The following CADPS variants were observed in gnomAD, a reference collection of about 807,000 sequenced individuals.
CADPS encodes the protein calcium dependent secretion activator.
CADPS carries 57 observed loss-of-function variants against 167.3 expected under a neutral mutation model. The observed-to-expected ratio is 0.34, with a 90% CI of 0.28 to 0.42. The LOEUF (loss-of-function observed/expected upper bound fraction) is 0.42, where lower values mean the gene tolerates loss of function less well. Among genes scored for constraint, CADPS ranks in the 20% least tolerant of loss-of-function variants. The probability of loss-of-function intolerance (pLI) is 1.00; values close to 1 mark genes in which losing one functional copy is unlikely to be tolerated. For synonymous variants in CADPS, 676 were observed against 635.3 expected (o/e 1.06, Z -0.96); for missense variants, 1,414 against 1,738.1 (o/e 0.81, Z 3.32).
At chr3:62,872,823 C>A (rs561963291) in intron 1 of CADPS, among the ~76,000 whole-genome samples, 1 of 152,136 alleles carries the variant, frequency 6.6e-6, no homozygotes, top group African/African-American at 2.4e-5. Flanking sequence ...CCACCCCTTT[C>A]GACCTAACAC....
intron 28 of CADPS, among the ~76,000 whole-genome samples, chr3:62,415,115 CCT>C (rs1259921614): frequency 1.3e-5 from 2 of 150,424 alleles, no homozygotes; most frequent in African/African-American, 4.9e-5. Context: ...TACTTCTTTC[CCT>C]CTTTCTCTAC....
chr3:62,470,420 A>C (rs567218353), intron 24 of CADPS, among the ~76,000 whole-genome samples: 1 of 152,246 alleles, frequency 6.6e-6, no homozygotes, highest in African/African-American at 2.4e-5. Context: ...GGATGTTTCC[A>C]GATATTCTTG....
chr3:62,709,895 G>T (rs749390581), intron 3 of CADPS, among the ~76,000 whole-genome samples: 6 of 151,600 alleles, frequency 4.0e-5, no homozygotes, highest in African/African-American at 1.5e-4. Flanking sequence ...TCAGCCTCCC[G>T]AGTGGCTGGG....
At chr3:62,400,874 G>A (rs1235186094) in intron 29 of CADPS, among the ~76,000 whole-genome samples, 4 of 152,018 alleles carry the variant, frequency 2.6e-5, no homozygotes, top group East Asian at 3.9e-4. Context: ...CTGAGATTAC[G>A]GGCGTGAGCC....
intron 28 of CADPS, among the ~76,000 whole-genome samples, chr3:62,410,636 T>C (rs527534758): frequency 1.7e-3 from 256 of 152,334 alleles, no homozygotes; most frequent in African/African-American, 6.0e-3. Context: ...GTGGAGATAA[T>C]AATAAAACCT....
rs541872549 is a variant in CADPS, at chr3:62,676,375, A to C, written c.889-13981T>G. Among the ~76,000 whole-genome samples the C allele has an allele frequency of 5.9e-5, 9 of 152,272 alleles. No homozygotes were observed. In the East Asian group the frequency reaches 1.7e-3, roughly 29 times the overall value. On this transcript the variant is annotated intron_variant, in intron 3 of 29. Coordinates refer to ENST00000383710, the MANE Select transcript of CADPS (RefSeq NM_003716.4). ...TCCTCCATGTAACAGGGAACTGTCAATATCCTAACATGGTCTATGCGATTT... is the reference window on the plus strand; with the variant it reads ...TCCTCCATGTAACAGGGAACTGTCACTATCCTAACATGGTCTATGCGATTT...
chr3:62,713,344 G>A (rs1244505869), intron 3 of CADPS, among the ~76,000 whole-genome samples: 2 of 152,126 alleles, frequency 1.3e-5, no homozygotes, highest in Non-Finnish European at 2.9e-5. Flanking sequence ...AGACCAGATT[G>A]AAGACTGGCT....
At chr3:62,482,507 T>A (rs2062160329) in intron 21 of CADPS, among the ~76,000 whole-genome samples, 1 of 152,236 alleles carries the variant, frequency 6.6e-6, no homozygotes, top group Admixed American at 6.5e-5. Context: ...CAGATTTGAA[T>A]AATTTTATAG....
chr3:62,835,851 A>G (rs1250171709), intron 1 of CADPS, among the ~76,000 whole-genome samples: 1 of 152,240 alleles, frequency 6.6e-6, no homozygotes, highest in East Asian at 1.9e-4. Context: ...AACTGTTTAC[A>G]TTAAATTATT....
At chr3:62,831,219 T>C (rs751842925) in intron 1 of CADPS, among the ~76,000 whole-genome samples, 2 of 152,186 alleles carry the variant, frequency 1.3e-5, no homozygotes, top group Non-Finnish European at 2.9e-5. Flanking sequence ...ACTTTACATA[T>C]ACTTAATCTC....
chr3:62,719,401 T>G (rs2075310071), intron 3 of CADPS, among the ~76,000 whole-genome samples: 1 of 152,212 alleles, frequency 6.6e-6, no homozygotes, highest in Non-Finnish European at 1.5e-5. Flanking sequence ...TAGGAGAAAG[T>G]ACCCCTGACC....
chr3:62,428,348 A>G (rs2053209313), intron 28 of CADPS, among the ~76,000 whole-genome samples: 1 of 127,058 alleles, frequency 7.9e-6, no homozygotes, highest in Non-Finnish European at 1.5e-5. Context: ...GTCCGGGTGG[A>G]ACTATAAAAA....
chr3:62,408,587 G>C (rs1190275070), intron 28 of CADPS, among the ~76,000 whole-genome samples: 2 of 152,146 alleles, frequency 1.3e-5, no homozygotes, highest in Non-Finnish European at 2.9e-5. Context: ...TATCTAATCA[G>C]CTATATAGAG....
At chr3:62,530,650 T>G in intron 13 of CADPS, 1 of 1,286,062 alleles carries the variant, frequency 7.8e-7, no homozygotes, top group South Asian at 1.2e-5. Flanking sequence ...ACATAACTTC[T>G]TACCTTTTCA....
At position 62,465,256 on chromosome 3, in the gene CADPS, T is replaced by A. The variant is rs116208192; in HGVS notation, c.3636+111A>T. On this transcript the variant is annotated intron_variant, in intron 26 of 29. Transcript: ENST00000383710. The surrounding 1 kb of genome is among the most constrained non-coding windows in gnomAD (Gnocchi z 4.1). The stretch of plus-strand genomic sequence containing the variant: ...GTTAATATTATACAATAGTTGACTA[T>A]AATTAACACACACACCCATCCCAAA... 0.033 allele frequency: 22,806 copies of A among 689,772 alleles called. 567 individuals are homozygous for A. The highest frequency in any genetic ancestry group is 0.099 in the Middle Eastern group (397 of 3,990). The allele number at this position is 689,772 out of a possible 1,614,324, so 42.7% of individuals were successfully genotyped here. A position where few individuals can be genotyped will look rare whatever the true frequency, so the allele number is the denominator to read the frequency against.
intron 26 of CADPS, among the ~76,000 whole-genome samples, chr3:62,447,444 AT>A (rs566249740): frequency 2.0e-5 from 3 of 151,676 alleles, no homozygotes; most frequent in East Asian, 3.9e-4. Flanking sequence ...TTCAGCCGAA[AT>A]TTTTTTTTGT....
chr3:62,493,422 AGTATTTACATT>A (rs2064077159), intron 19 of CADPS, among the ~76,000 whole-genome samples: 2 of 152,198 alleles, frequency 1.3e-5, no homozygotes, highest in Admixed American at 1.3e-4. Context: ...AATGCCGCAA[AGTATTTACATT>A]GGAAACACTT....
intron 3 of CADPS, among the ~76,000 whole-genome samples, chr3:62,671,438 A>G (rs1199147890): frequency 6.6e-6 from 1 of 152,176 alleles, no homozygotes; most frequent in Non-Finnish European, 1.5e-5. Flanking sequence ...AACCAAGGGT[A>G]TAGAGGAAGC....
At chr3:62,628,869 C>T (rs1364370404) in intron 6 of CADPS, among the ~76,000 whole-genome samples, 1 of 152,084 alleles carries the variant, frequency 6.6e-6, no homozygotes, top group South Asian at 2.1e-4. Flanking sequence ...TCGTGATTCA[C>T]CCGCCTCAGC....
Sources: allele counts gnomAD v4.1 joint callset (sites outside exome capture counted in the v4.1 genomes callset), GRCh38; gene constraint gnomAD v4.1.1; non-coding constraint Gnocchi (gnomAD v3.1); transcripts MANE v1.5; gene names NCBI Gene and HGNC (gene_info 2026-07-23, HGNC 2026-07-21).